ASPRV1: variants seen among roughly 807,000 people sequenced by gnomAD.
ASPRV1 encodes the protein retroviral-like aspartic protease 1.
ASPRV1 carries 7 observed loss-of-function variants against 11.0 expected under a neutral mutation model. The ratio of observed to expected loss-of-function variants is 0.64; its 90% CI spans 0.36 to 1.20. The LOEUF is 1.20. Ranked by LOEUF, ASPRV1 falls within the 50% of genes most tolerant of loss-of-function variation. ASPRV1 has a pLI of 0.02. For synonymous variants in ASPRV1, 136 were observed against 138.4 expected (o/e 0.98, Z 0.12); for missense variants, 299 against 320.0 (o/e 0.93, Z 0.50).
At chr2:69,986,688 C>A in the ASPRV1 span, among the ~76,000 whole-genome samples, 2 of 152,208 alleles carry the variant, frequency 1.3e-5, no homozygotes, top group Non-Finnish European at 2.9e-5. Flanking sequence ...GACAAGAGAA[C>A]CATGAGACCC....
At chr2:69,967,280 C>T in the ASPRV1 span, among the ~76,000 whole-genome samples, 76 of 152,220 alleles carry the variant, frequency 5.0e-4, no homozygotes, top group African/African-American at 1.5e-3. Flanking sequence ...ATAGGAGGTG[C>T]GGGGCACACT....
At chr2:70,012,676 T>C in the ASPRV1 span, among the ~76,000 whole-genome samples, 1 of 152,154 alleles carries the variant, frequency 6.6e-6, no homozygotes, top group East Asian at 1.9e-4. Flanking sequence ...GATAGAGTAA[T>C]AATTATTAAT....
At chr2:70,023,337 G>A in the ASPRV1 span, among the ~76,000 whole-genome samples, 1 of 152,166 alleles carries the variant, frequency 6.6e-6, no homozygotes, top group Non-Finnish European at 1.5e-5. Flanking sequence ...GATTTGCAGG[G>A]GAGGGAAGAG....
At chr2:70,037,417 G>A in the ASPRV1 span, among the ~76,000 whole-genome samples, 1 of 152,130 alleles carries the variant, frequency 6.6e-6, no homozygotes, top group Non-Finnish European at 1.5e-5. Flanking sequence ...TCCGCCTCCT[G>A]CATTCAGGCC....
At chr2:69,943,710 A>T in the ASPRV1 span, among the ~76,000 whole-genome samples, 1 of 152,164 alleles carries the variant, frequency 6.6e-6, no homozygotes, top group Admixed American at 6.5e-5. Flanking sequence ...GTGAGGACAC[A>T]TCTAAGAACA....
downstream of ASPRV1, among the ~76,000 whole-genome samples, chr2:69,956,479 A>AAAGAAGAAGAAGAAGAAGAAGAAG (rs1677942752): frequency 4.5e-5 from 6 of 132,040 alleles, no homozygotes; most frequent in South Asian, 2.4e-4. Context: ...AGAAGAAGAA[A>AAAGAAGAAGAAGAAGAAGAAGAAG]AGAGGAAGAA....
At chr2:70,077,765 G>T in the ASPRV1 span, among the ~76,000 whole-genome samples, 1 of 152,274 alleles carries the variant, frequency 6.6e-6, no homozygotes, top group Non-Finnish European at 1.5e-5. Flanking sequence ...TGAGGCAGGA[G>T]AATCACTTGA....
the ASPRV1 span, among the ~76,000 whole-genome samples, chr2:70,044,081 T>C: frequency 1.3e-5 from 2 of 152,124 alleles, no homozygotes; most frequent in African/African-American, 4.8e-5. Context: ...TCCCTATCCC[T>C]TCCTCAGTCT....
the ASPRV1 span, chr2:69,938,347 A>G: frequency 6.5e-7 from 1 of 1,537,544 alleles, no homozygotes; most frequent in African/African-American, 1.4e-5. Flanking sequence ...TAGGTAACGT[A>G]TTGGACCTGC....
chr2:69,985,530 G>C, the ASPRV1 span, among the ~76,000 whole-genome samples: 1 of 152,156 alleles, frequency 6.6e-6, no homozygotes. Context: ...AATCCACTTA[G>C]ACTTAGGAAA....
At chr2:70,084,554 G>A in the ASPRV1 span, among the ~76,000 whole-genome samples, 1 of 152,134 alleles carries the variant, frequency 6.6e-6, no homozygotes, top group Non-Finnish European at 1.5e-5. Context: ...CATTTCAGGA[G>A]GTTTTGTGAG....
chr2:70,032,326 C>T, the ASPRV1 span: 1 of 152,182 alleles, frequency 6.6e-6, no homozygotes, highest in East Asian at 1.9e-4. Context: ...CCCTCAGCTG[C>T]TCAGACACCT....
the ASPRV1 span, chr2:69,940,278 C>G: frequency 6.6e-6 from 1 of 151,520 alleles, no homozygotes; most frequent in Non-Finnish European, 1.5e-5. Context: ...TGATAGTGTT[C>G]AAAGAGCCAG....
chr2:69,969,844 A>C, the ASPRV1 span, among the ~76,000 whole-genome samples: 1 of 150,344 alleles, frequency 6.7e-6, no homozygotes, highest in Non-Finnish European at 1.5e-5. Flanking sequence ...CTCCAGTTCC[A>C]CCTTAGAGGG....
chr2:69,999,077 C>G, the ASPRV1 span, among the ~76,000 whole-genome samples: 1 of 152,210 alleles, frequency 6.6e-6, no homozygotes, highest in South Asian at 2.1e-4. Context: ...AAAAATACTA[C>G]AGATTCCATC....
the ASPRV1 span, among the ~76,000 whole-genome samples, chr2:69,936,039 TC>T: frequency 6.6e-6 from 1 of 152,068 alleles, no homozygotes; most frequent in African/African-American, 2.4e-5. Context: ...CAGCCCTTCT[TC>T]CAGTCCCTGG....
chr2:70,052,978 G>A, the ASPRV1 span, among the ~76,000 whole-genome samples: 8 of 152,152 alleles, frequency 5.3e-5, no homozygotes, highest in African/African-American at 1.7e-4. Flanking sequence ...TCTATGAGCA[G>A]AAATGACAGA....
the ASPRV1 span, among the ~76,000 whole-genome samples, chr2:70,079,380 G>C: frequency 2.2e-4 from 34 of 152,238 alleles, no homozygotes; most frequent in Admixed American, 1.8e-3. Flanking sequence ...AGGAGGGGAG[G>C]GAGGATTTCT....
At chr2:70,027,717 G>A in the ASPRV1 span, among the ~76,000 whole-genome samples, 5 of 152,202 alleles carry the variant, frequency 3.3e-5, no homozygotes, top group African/African-American at 4.8e-5. Flanking sequence ...CTGATGAGAG[G>A]TTGGTTAATG....
Sources: gnomAD v4.1 joint callset for allele counts (sites outside exome capture counted in the v4.1 genomes callset) on GRCh38, gnomAD v4.1.1 for gene constraint, MANE v1.5 for transcripts, NCBI Gene and HGNC (gene_info 2026-07-23, HGNC 2026-07-21) for gene names.